The following EXOC5 variants were observed in gnomAD, a reference collection of about 807,000 sequenced individuals.
EXOC5 encodes the protein SEC10-like 1.
In EXOC5, 17 loss-of-function variants were observed where a neutral mutation model predicts 90.8. The observed-to-expected ratio is 0.19, with a 90% CI of 0.13 to 0.28. The LOEUF (loss-of-function observed/expected upper bound fraction) is 0.28, where lower values mean the gene tolerates loss of function less well. EXOC5 is among the 10% of genes least tolerant of loss of function. EXOC5 has a pLI of 1.00. For missense variants in EXOC5, 569 were observed against 830.6 expected (o/e 0.69, Z 3.87); for synonymous variants, 260 against 270.0 (o/e 0.96, Z 0.36).
chr14:57,259,394 C>T (rs1042083292), intron 1 of EXOC5, among the ~76,000 whole-genome samples: 1 of 152,186 alleles, frequency 6.6e-6, no homozygotes, highest in African/African-American at 2.4e-5. Flanking sequence ...TCACCACATG[C>T]AGCCAAGTTC....
At chr14:57,221,321 A>G (rs1028082380) in intron 13 of EXOC5, among the ~76,000 whole-genome samples, 9 of 152,236 alleles carry the variant, frequency 5.9e-5, no homozygotes, top group Non-Finnish European at 1.5e-5. Flanking sequence ...AATACATACC[A>G]GGCCAGATAA....
chr14:57,249,338 CT>C (rs1884120324), intron 1 of EXOC5, among the ~76,000 whole-genome samples: 1 of 152,078 alleles, frequency 6.6e-6, no homozygotes, highest in African/African-American at 2.4e-5. Context: ...CATTAGTATA[CT>C]TAATAATCTT....
chr14:57,265,666 A>AG (rs1182914950), intron 1 of EXOC5, among the ~76,000 whole-genome samples: 1 of 152,232 alleles, frequency 6.6e-6, no homozygotes, highest in Non-Finnish European at 1.5e-5. Flanking sequence ...TAGAGGCTGC[A>AG]GCGAGCAGTG....
At chr14:57,245,079 T>C (rs994304645) in intron 3 of EXOC5, among the ~76,000 whole-genome samples, 3 of 151,136 alleles carry the variant, frequency 2.0e-5, no homozygotes, top group African/African-American at 7.3e-5. Flanking sequence ...TAAAGTAAAA[T>C]AGTTCTTTCC....
rs902649660 is a variant in EXOC5, at chr14:57,237,890, C to T, written c.531-524G>A. ...GATATATTAATGACAAATGATAAGA[C>T]CCAGCAATGTGCCTAGCAGAGTAGC... On this transcript the variant is annotated intron_variant, in intron 5 of 17. Coordinates refer to ENST00000621441, the MANE Select transcript of EXOC5 (RefSeq NM_006544.4). Among the ~76,000 whole-genome samples, 18 of 152,008 alleles carry T rather than the reference C, an allele frequency of 1.2e-4. No individual in the cohort carries two copies. The South Asian group carries it at 3.1e-3, about 26-fold the overall frequency.
chr14:57,229,119 G>A (rs1883400840), intron 12 of EXOC5, among the ~76,000 whole-genome samples: 1 of 152,098 alleles, frequency 6.6e-6, no homozygotes, highest in African/African-American at 2.4e-5. Context: ...CATGAGAAAA[G>A]TCTAACTGTC....
intron 1 of EXOC5, among the ~76,000 whole-genome samples, chr14:57,261,912 G>C (rs1364133975): frequency 2.0e-5 from 3 of 152,138 alleles, no homozygotes; most frequent in African/African-American, 7.2e-5. Context: ...TCATAGGCCT[G>C]TACAGATTCA....
chr14:57,212,939 T>C (rs1001308613), intron 15 of EXOC5, among the ~76,000 whole-genome samples: 8 of 152,228 alleles, frequency 5.3e-5, no homozygotes, highest in African/African-American at 1.9e-4. Context: ...GCAGTGTTTT[T>C]ATATTTTTCA....
rs988662508 is a variant in EXOC5 at position 57,246,631 on chromosome 14, T to G, written c.270+80A>C. On this transcript the variant is annotated intron_variant, in intron 3 of 17. Coordinates refer to ENST00000621441, the MANE Select transcript of EXOC5 (RefSeq NM_006544.4). ...GACAGTTACTATCATCTGACTAGAC[T>G]TTTTTAAGAGCTTAAAACTGGAAGA... 27 of 1,273,282 alleles carry G rather than the reference T, an allele frequency of 2.1e-5. No homozygotes were observed. The South Asian group carries it at 3.2e-4, about 15-fold the overall frequency. 78.9% of individuals were successfully genotyped at this position (1,273,282 alleles called of 1,614,324 possible). A position where few individuals can be genotyped will look rare whatever the true frequency, so the allele number is the denominator to read the frequency against.
rs1050873924 is a variant in EXOC5, at chr14:57,208,086, T to G, written c.*523A>C. The G allele has an allele frequency of 6.6e-6, 1 of 152,436 alleles. No homozygotes were observed. Among genetic ancestry groups the G allele is most frequent in the Non-Finnish European group, 1.5e-5 (1 of 68,206 alleles). The allele number at this position is 152,436 out of a possible 1,614,324, so 9.4% of individuals were successfully genotyped here. On this transcript the variant is annotated 3_prime_UTR_variant, in exon 18 of 18. Coordinates refer to ENST00000621441, the MANE Select transcript of EXOC5 (RefSeq NM_006544.4). Reference sequence around the variant, plus strand: ...ACCAACTGCAGAAAGTATGCTTAATTGTTAACCTTTTGAAAGAGGCAAAAA... The same window carrying G: ...ACCAACTGCAGAAAGTATGCTTAATGGTTAACCTTTTGAAAGAGGCAAAAA...
Position 57,208,808 on chromosome 14 carries a change from A to T in EXOC5, c.1939-11T>A. ...TAATACCATTGGAATCTGAATTGAG[A>T]GAAGAAAAAAAGTAACATTGAAACA... On this transcript the variant is annotated splice_polypyrimidine_tract_variant and intron_variant, in intron 17 of 17. Transcript: ENST00000621441. 1 of 1,540,108 alleles carries T rather than the reference A, an allele frequency of 6.5e-7. No homozygotes were observed. The highest frequency in any genetic ancestry group is 8.9e-7 in the Non-Finnish European group (1 of 1,125,754).
At chr14:57,260,745 G>T (rs1245750216) in intron 1 of EXOC5, among the ~76,000 whole-genome samples, 1 of 152,082 alleles carries the variant, frequency 6.6e-6, no homozygotes, top group African/African-American at 2.4e-5. Flanking sequence ...TATAAATAAA[G>T]AAACTGAGGA....
In EXOC5 at chr14:57,231,559, T is replaced by C; in HGVS notation, c.1095A>G (p.Leu365=). The C allele has an allele frequency of 6.2e-7, 1 of 1,612,458 alleles. No individual in the cohort carries two copies. The highest frequency in any genetic ancestry group is 8.5e-7 in the Non-Finnish European group (1 of 1,179,666). Residue 365 remains leucine (L), a synonymous_variant, in exon 11 of 18, where the codon CTA becomes CTG. Coordinates refer to ENST00000621441, the MANE Select transcript of EXOC5 (RefSeq NM_006544.4). The part of the protein sequence containing the change: ...GYLKSRSAMI[L]QRYYDSKNHQ... ...GGTTTTTCGAATCATAATAGCGCTGTAGGATCATAGCACTTCTGCTTTTCA... is the reference window on the plus strand; with the variant it reads ...GGTTTTTCGAATCATAATAGCGCTGCAGGATCATAGCACTTCTGCTTTTCA...
rs534868373 is a variant in EXOC5 at position 57,205,253 on chromosome 14, A to G, written c.*3356T>C. The G allele has an allele frequency of 7.2e-5, 11 of 152,198 alleles. No homozygotes were observed. The highest frequency in any genetic ancestry group is 2.2e-4 in the African/African-American group (9 of 41,572). 9.4% of individuals were successfully genotyped at this position (152,198 alleles called of 1,614,324 possible). On this transcript the variant is annotated 3_prime_UTR_variant, in exon 18 of 18. Coordinates refer to ENST00000621441, the MANE Select transcript of EXOC5 (RefSeq NM_006544.4). ...ACTTCATGTAGAATTATTCAGTCTA[A>G]CAATATGAACTGATCTTTTCTTCTA...
rs116471004 is a variant in EXOC5 at position 57,256,101 on chromosome 14, A to G, written c.28-8389T>C. ...ATAGTAAGAGTGTCATTAAACTATA[A>G]CTACAAGTACTGCCTGGTCATATTG... On this transcript the variant is annotated intron_variant, in intron 1 of 17. Transcript: ENST00000621441. Among the ~76,000 whole-genome samples, 840 of 152,262 alleles carry G rather than the reference A, an allele frequency of 5.5e-3. 10 individuals are homozygous for G. Among genetic ancestry groups the G allele is most frequent in the African/African-American group, 0.019 (799 of 41,540 alleles).
chr14:57,266,579 T>G (rs1299009568), intron 1 of EXOC5, among the ~76,000 whole-genome samples: 1 of 152,078 alleles, frequency 6.6e-6, no homozygotes, highest in Non-Finnish European at 1.5e-5. Context: ...CGTTTAAATT[T>G]GTCCTAAAAA....
intron 5 of EXOC5, chr14:57,237,666 G>C (rs1348023546): frequency 1.2e-5 from 3 of 254,858 alleles, no homozygotes; most frequent in East Asian, 9.1e-5. Context: ...TCTTTTTAAA[G>C]AATCAACTGC....
chr14:57,236,756 T>G (rs1484659181), intron 6 of EXOC5, among the ~76,000 whole-genome samples: 1 of 152,180 alleles, frequency 6.6e-6, no homozygotes, highest in African/African-American at 2.4e-5. Flanking sequence ...AGTGGCCTAC[T>G]CTAAATAGTG....
At chr14:57,214,344 C>T (rs1216482784) in intron 15 of EXOC5, among the ~76,000 whole-genome samples, 4 of 152,286 alleles carry the variant, frequency 2.6e-5, no homozygotes, top group Non-Finnish European at 4.4e-5. Flanking sequence ...TGCCCTGTCA[C>T]ATGAGGTCAG....
Sources: gnomAD v4.1 joint callset for allele counts (sites outside exome capture counted in the v4.1 genomes callset) on GRCh38, gnomAD v4.1.1 for gene constraint, MANE v1.5 for transcripts, NCBI Gene and HGNC (gene_info 2026-07-23, HGNC 2026-07-21) for gene names.